The following PREX1 variants were observed in gnomAD, a reference collection of about 807,000 sequenced individuals.
PREX1 encodes phosphatidylinositol 3,4,5-trisphosphate-dependent Rac exchanger 1 protein.
PREX1 carries 41 observed loss-of-function variants against 198.3 expected under a neutral mutation model. The observed-to-expected ratio is 0.21, with a 90% CI of 0.16 to 0.27. The LOEUF is 0.27. PREX1 is among the 10% of genes least tolerant of loss of function. PREX1 has a pLI of 1.00. For synonymous variants in PREX1, 843 were observed against 887.2 expected, an observed-to-expected ratio of 0.95 and a Z score of 0.89; for missense variants, 1,620 against 2,200.7, an observed-to-expected ratio of 0.74 and a Z score of 5.28.
chr20:48,825,747 TC>T (rs2090505854), intron 1 of PREX1, among the ~76,000 whole-genome samples: 1 of 151,738 alleles, frequency 6.6e-6, no homozygotes. Context: ...ATGGAGTGGC[TC>T]AGAAGGAGAA....
At chr20:48,723,852 A>G (rs929497950) in intron 5 of PREX1, among the ~76,000 whole-genome samples, 3 of 152,128 alleles carry the variant, frequency 2.0e-5, no homozygotes, top group African/African-American at 7.2e-5. Context: ...CACCGTACAC[A>G]CAGGTCCAGC....
At chr20:48,744,871 A>G (rs1465576347) in intron 3 of PREX1, among the ~76,000 whole-genome samples, 154 bp downstream of exon 3, 1 of 152,226 alleles carries the variant, frequency 6.6e-6, no homozygotes, top group Non-Finnish European at 1.5e-5. Flanking sequence ...CCATAGTTCC[A>G]GGGATGCAGA....
At chr20:48,830,361 C>G (rs566511900), upstream of PREX1, among the ~76,000 whole-genome samples, 236 of 152,260 alleles carry the variant, frequency 1.5e-3, no homozygotes, top group African/African-American at 5.0e-3. Context: ...AGCCTTGCCT[C>G]AAAAATAAAC....
chr20:48,680,596 C>A (rs1051033840), intron 11 of PREX1, among the ~76,000 whole-genome samples: 3 of 152,294 alleles, frequency 2.0e-5, no homozygotes, highest in South Asian at 2.1e-4. Flanking sequence ...CTATTCCCTG[C>A]ACAACCCACT....
chr20:48,761,630 G>C (rs2090180835), intron 1 of PREX1, among the ~76,000 whole-genome samples: 1 of 152,132 alleles, frequency 6.6e-6, no homozygotes, highest in Non-Finnish European at 1.5e-5. Flanking sequence ...AAGGCAGTGG[G>C]GGACACTGAG....
chr20:48,834,003 C>G, the PREX1 span, among the ~76,000 whole-genome samples: 1 of 151,926 alleles, frequency 6.6e-6, no homozygotes, highest in African/African-American at 2.4e-5. Flanking sequence ...ATGGCGTGAA[C>G]CCGGGAGGCG....
At chr20:48,776,647 G>A (rs2090263821) in intron 1 of PREX1, among the ~76,000 whole-genome samples, 1 of 152,164 alleles carries the variant, frequency 6.6e-6, no homozygotes, top group African/African-American at 2.4e-5. Flanking sequence ...TTTGCTCTCT[G>A]CCTGGAAACT....
intron 5 of PREX1, among the ~76,000 whole-genome samples, chr20:48,718,758 C>T (rs546244876): frequency 5.9e-5 from 9 of 152,236 alleles, no homozygotes; most frequent in African/African-American, 9.6e-5. Context: ...AAAAAACAGA[C>T]GTTGAAACAA....
the PREX1 span, among the ~76,000 whole-genome samples, chr20:48,846,372 C>T: frequency 3.3e-5 from 5 of 152,168 alleles, no homozygotes; most frequent in Non-Finnish European, 7.3e-5. Flanking sequence ...ACTCCTTTCT[C>T]CAGCAGGTTT....
chr20:48,628,003 G>A (rs1184118251), intron 37 of PREX1, 40 bp from the exon 38 acceptor site: 7 of 1,252,112 alleles, frequency 5.6e-6, no homozygotes, highest in Non-Finnish European at 8.0e-6. Context: ...GGCGGTGGGG[G>A]GACAGGGGTC....
intron 29 of PREX1, among the ~76,000 whole-genome samples, chr20:48,640,283 T>TATA (rs2089399391): frequency 6.6e-6 from 1 of 151,894 alleles, no homozygotes; most frequent in South Asian, 2.1e-4. Flanking sequence ...ACATGAGTTC[T>TATA]ATCCCTTTCC....
At chr20:48,847,379 AAAAAAC>A in the PREX1 span, among the ~76,000 whole-genome samples, 8 of 151,152 alleles carry the variant, frequency 5.3e-5, no homozygotes, top group Admixed American at 1.3e-4. Flanking sequence ...AAAAAAAAAA[AAAAAAC>A]AAACCCTCCC....
the PREX1 span, among the ~76,000 whole-genome samples, chr20:48,849,028 A>G: frequency 6.6e-6 from 1 of 151,700 alleles, no homozygotes; most frequent in Admixed American, 6.6e-5. Context: ...GTGAGCCACC[A>G]TGCCTGGCCT....
chr20:48,650,487 T>C (rs1367164244), intron 23 of PREX1, among the ~76,000 whole-genome samples: 4 of 152,208 alleles, frequency 2.6e-5, no homozygotes, highest in Non-Finnish European at 2.9e-5. Context: ...TGCCCCACCC[T>C]CAGTTCATGA....
chr20:48,690,393 C>T (rs1196805424), intron 9 of PREX1, among the ~76,000 whole-genome samples: 1 of 151,136 alleles, frequency 6.6e-6, no homozygotes, highest in Non-Finnish European at 1.5e-5. Context: ...GAGTAACTTG[C>T]CCCAAAACAC....
At chr20:48,885,533 C>T in the PREX1 span, among the ~76,000 whole-genome samples, 4 of 152,272 alleles carry the variant, frequency 2.6e-5, no homozygotes, top group East Asian at 7.7e-4. Flanking sequence ...ACCATATGAT[C>T]CAGCAATCAC....
chr20:48,701,505 C>A (rs534524046), intron 6 of PREX1, among the ~76,000 whole-genome samples: 1 of 152,116 alleles, frequency 6.6e-6, no homozygotes, highest in Non-Finnish European at 1.5e-5. Flanking sequence ...TGAGCCACCA[C>A]GCCTGGCCTC....
At chr20:48,813,149 G>C (rs2090443962) in intron 1 of PREX1, among the ~76,000 whole-genome samples, 1 of 152,244 alleles carries the variant, frequency 6.6e-6, no homozygotes, top group African/African-American at 2.4e-5. Flanking sequence ...ATCTGGGCCA[G>C]GCACACAGTA....
intron 3 of PREX1, among the ~76,000 whole-genome samples, chr20:48,740,193 G>A (rs1400413370): frequency 6.6e-6 from 1 of 152,244 alleles, no homozygotes; most frequent in African/African-American, 2.4e-5. Flanking sequence ...TTCCAAGCAG[G>A]GAGTAAATGG....
Sources: allele counts gnomAD v4.1 joint callset (sites outside exome capture counted in the v4.1 genomes callset), GRCh38; gene constraint gnomAD v4.1.1; transcripts MANE v1.5; gene names NCBI Gene and HGNC (gene_info 2026-07-23, HGNC 2026-07-21).